The following RTTN variants were observed in gnomAD, a reference collection of about 807,000 sequenced individuals.
RTTN encodes the protein rotatin.
Under a neutral mutation model 269.2 loss-of-function variants are expected in RTTN, and 182 were observed. That is an observed-to-expected ratio of 0.68 (90% CI 0.60 to 0.76). The LOEUF (loss-of-function observed/expected upper bound fraction) is 0.76. Among genes scored for constraint, RTTN ranks in the 30% least tolerant of loss-of-function variants. The pLI is 0.00. For missense variants in RTTN, 2,545 were observed against 2,608.6 expected (o/e 0.98, Z 0.53); for synonymous variants, 1,006 against 963.5 (o/e 1.04, Z -0.82).
intron 43 of RTTN, 152 bp from the exon 44 acceptor site, chr18:70,025,000 A>C (rs1462799289): frequency 2.4e-5 from 20 of 823,156 alleles, no homozygotes; most frequent in Non-Finnish European, 3.5e-5. Flanking sequence ...TGGGCTCCAC[A>C]CATGGCTGCC....
In RTTN at chr18:70,196,557, T is replaced by C; in HGVS notation, c.785A>G (p.Tyr262Cys). Residue 262 changes from tyrosine (Y) to cysteine (C), a missense_variant, in exon 7 of 49, where the codon TAT (tyrosine) becomes TGT (cysteine). Coordinates refer to ENST00000640769, the MANE Select transcript of RTTN (RefSeq NM_173630.4). ...SVSCLQQLCM[Y>C]LRNRLNFHRD... ...GTGAAAGTTAAGTCTGTTTCTTAAA[T>C]ACATGCACAGCTGCTGCAGGCAGGA... 6.2e-7 allele frequency: 1 copy of C among 1,613,712 alleles called. No individual in the cohort carries two copies. Among genetic ancestry groups the C allele is most frequent in the South Asian group, 1.1e-5 (1 of 91,036 alleles).
chr18:70,201,452 C>CA (rs2061943557), intron 4 of RTTN, among the ~76,000 whole-genome samples: 1 of 150,758 alleles, frequency 6.6e-6, no homozygotes, highest in Non-Finnish European at 1.5e-5. Flanking sequence ...ACTAAAAATA[C>CA]AAAAAATTAG....
At chr18:70,035,002 A>T (rs946603314) in intron 40 of RTTN, among the ~76,000 whole-genome samples, 3 of 152,198 alleles carry the variant, frequency 2.0e-5, no homozygotes, top group Non-Finnish European at 4.4e-5. Context: ...GAATACAGCT[A>T]ACCAGGGAGG....
intron 4 of RTTN, among the ~76,000 whole-genome samples, chr18:70,199,853 T>C (rs1438993336): frequency 6.6e-6 from 1 of 152,222 alleles, no homozygotes; most frequent in South Asian, 2.1e-4. Context: ...TAAAAGGAAC[T>C]GACATTTAGG....
At chr18:70,177,306 A>T (rs1340198579) in intron 10 of RTTN, among the ~76,000 whole-genome samples, 1 of 152,070 alleles carries the variant, frequency 6.6e-6, no homozygotes, top group East Asian at 2.0e-4. Flanking sequence ...CCTCAAATTG[A>T]TACCAACATT....
intron 40 of RTTN, among the ~76,000 whole-genome samples, chr18:70,035,248 T>C (rs2057136007): frequency 6.6e-6 from 1 of 152,090 alleles, no homozygotes; most frequent in Non-Finnish European, 1.5e-5. Flanking sequence ...AGAGCCCAAA[T>C]CGCCAAGGCA....
intron 13 of RTTN, 98 bp downstream of exon 13, chr18:70,166,821 C>G: frequency 1.3e-6 from 1 of 752,702 alleles, no homozygotes; most frequent in Non-Finnish European, 2.1e-6. Context: ...AAAATAATAA[C>G]AAAGATATAC....
chr18:70,022,668 C>T (rs931596361), intron 44 of RTTN, among the ~76,000 whole-genome samples: 4 of 152,086 alleles, frequency 2.6e-5, no homozygotes, highest in Non-Finnish European at 5.9e-5. Context: ...CCCTCAAGGT[C>T]CAAAAGAACA....
intron 45 of RTTN, 24 bp from the exon 46 acceptor site, chr18:70,017,698 T>TA: frequency 1.3e-6 from 2 of 1,570,956 alleles, no homozygotes; most frequent in Non-Finnish European, 1.7e-6. Context: ...GAGAGAATAT[T>TA]ATTTTCTTCT....
intron 7 of RTTN, 48 bp from the exon 8 acceptor site, chr18:70,193,501 T>G: frequency 7.8e-7 from 1 of 1,279,132 alleles, no homozygotes; most frequent in Non-Finnish European, 1.1e-6. Flanking sequence ...AGAAACAGAC[T>G]TCTGACTATG....
Position 70,188,142 on chromosome 18 carries a change from A to AATC in RTTN, c.1270_1271insGAT (p.Ile424delinsArgPhe). The AATC allele has an allele frequency of 1.9e-6, 3 of 1,609,604 alleles. No individual in the cohort carries two copies. On this transcript the variant is annotated protein_altering_variant, in exon 10 of 49. Transcript: ENST00000640769. ...ACCAAAAAGGCTGCTGTCATCCCAG[A>AATC]TATCTGTTGAAATTGCTTCACCAAT...
At chr18:70,082,616 G>T (rs1239534273) in intron 32 of RTTN, among the ~76,000 whole-genome samples, 1 of 152,196 alleles carries the variant, frequency 6.6e-6, no homozygotes, top group Non-Finnish European at 1.5e-5. Context: ...ACACTGGACA[G>T]TTGGGAGCCA....
At chr18:70,136,893 G>A (rs974739457) in intron 21 of RTTN, among the ~76,000 whole-genome samples, 5 of 152,042 alleles carry the variant, frequency 3.3e-5, no homozygotes, top group Admixed American at 2.6e-4. Flanking sequence ...TGCAACACCA[G>A]TGCAGTAGTT....
chr18:70,108,766 GATAC>G (rs2059387844), intron 28 of RTTN, among the ~76,000 whole-genome samples: 1 of 151,530 alleles, frequency 6.6e-6, no homozygotes, highest in Non-Finnish European at 1.5e-5. Context: ...TATCTTAAAA[GATAC>G]AGAAAAAAGC....
At chr18:70,113,438 T>C (rs536125726) in intron 27 of RTTN, among the ~76,000 whole-genome samples, 1 of 152,296 alleles carries the variant, frequency 6.6e-6, no homozygotes, top group South Asian at 2.1e-4. Flanking sequence ...CTGGTGGGAA[T>C]GTAAAATGGT....
chr18:70,100,682 T>G (rs1422755412), intron 28 of RTTN, among the ~76,000 whole-genome samples: 2 of 152,236 alleles, frequency 1.3e-5, no homozygotes, highest in East Asian at 3.8e-4. Flanking sequence ...CTTCCAGTTT[T>G]TGCCCATTCA....
At chr18:70,188,893 T>C (rs953630577) in intron 9 of RTTN, among the ~76,000 whole-genome samples, 1 of 152,234 alleles carries the variant, frequency 6.6e-6, no homozygotes, top group African/African-American at 2.4e-5. Flanking sequence ...TAAGTTCTAA[T>C]GAATCAAAGT....
intron 40 of RTTN, among the ~76,000 whole-genome samples, chr18:70,031,772 C>T (rs189945943): frequency 6.6e-5 from 10 of 151,490 alleles, no homozygotes; most frequent in Non-Finnish European, 1.3e-4. Flanking sequence ...TGGCACACTC[C>T]TAGCAGATCT....
At chr18:70,175,045 C>CAAAAAAAAAAAAAAAAAAAAAA (rs5825998) in intron 11 of RTTN, among the ~76,000 whole-genome samples, 9 of 86,818 alleles carry the variant, frequency 1.0e-4, no homozygotes, top group Middle Eastern at 0.011. Flanking sequence ...AAACCAAAAC[C>CAAAAAAAAAAAAAAAAAAAAAA]AAAAAAAAAA....
Sources: gnomAD v4.1 joint callset for allele counts (sites outside exome capture counted in the v4.1 genomes callset) on GRCh38, gnomAD v4.1.1 for gene constraint, MANE v1.5 for transcripts, NCBI Gene and HGNC (gene_info 2026-07-23, HGNC 2026-07-21) for gene names.